Variants in RABGAP1L observed in about 807,000 individuals in gnomAD.
RABGAP1L encodes the protein RAB GTPase activating protein 1 like.
RABGAP1L carries 63 observed loss-of-function variants against 137.7 expected under a neutral mutation model. The ratio of observed to expected loss-of-function variants is 0.46; its 90% confidence interval spans 0.37 to 0.56. RABGAP1L has a LOEUF of 0.56. RABGAP1L is among the 20% of genes least tolerant of loss of function. RABGAP1L has a pLI of 0.00. For missense variants in RABGAP1L, 1,095 were observed against 1,244.0 expected, an observed-to-expected ratio of 0.88 and a Z score of 1.80; for synonymous variants, 431 against 433.7, an observed-to-expected ratio of 0.99 and a Z score of 0.08.
At chr1:174,486,923 G>A (rs1659731714) in intron 13 of RABGAP1L, among the ~76,000 whole-genome samples, 1 of 151,940 alleles carries the variant, frequency 6.6e-6, no homozygotes, top group South Asian at 2.1e-4. Flanking sequence ...TTAATTTCAT[G>A]TATTTATATA....
At chr1:174,664,983 C>T (rs1676675589) in intron 14 of RABGAP1L, among the ~76,000 whole-genome samples, 1 of 152,022 alleles carries the variant, frequency 6.6e-6, no homozygotes, top group South Asian at 2.1e-4. Context: ...GTGATCCGTT[C>T]GCCTCAGCTT....
At chr1:174,792,170 C>T (rs1687909428) in intron 18 of RABGAP1L, among the ~76,000 whole-genome samples, 1 of 152,192 alleles carries the variant, frequency 6.6e-6, no homozygotes, top group Admixed American at 6.5e-5. Context: ...TATCTACTGC[C>T]TCAGTCTTTT....
At chr1:174,702,860 CTT>C (rs1458566867) in intron 17 of RABGAP1L, among the ~76,000 whole-genome samples, 6 of 151,740 alleles carry the variant, frequency 4.0e-5, no homozygotes, top group Non-Finnish European at 8.8e-5. Context: ...TTTATTTACT[CTT>C]TTAAAGAAAT....
chr1:174,524,183 ATTG>A (rs757046562), intron 13 of RABGAP1L, among the ~76,000 whole-genome samples: 3 of 151,684 alleles, frequency 2.0e-5, no homozygotes, highest in Admixed American at 6.6e-5. Context: ...TGGTAGTTCT[ATTG>A]TTGTTGTTGT....
intron 14 of RABGAP1L, among the ~76,000 whole-genome samples, chr1:174,659,426 C>A (rs2148414813): frequency 6.6e-6 from 1 of 152,266 alleles, no homozygotes; most frequent in East Asian, 1.9e-4. Context: ...CTTCTTCCTC[C>A]AGACCTGTCA....
At chr1:174,608,309 C>T (rs1670938086) in intron 13 of RABGAP1L, among the ~76,000 whole-genome samples, 1 of 152,076 alleles carries the variant, frequency 6.6e-6, no homozygotes. Flanking sequence ...TGTTCAGCCC[C>T]TACTACATTT....
intron 15 of RABGAP1L, among the ~76,000 whole-genome samples, chr1:174,687,899 G>A (rs368062938): frequency 1.3e-5 from 2 of 152,132 alleles, no homozygotes; most frequent in Non-Finnish European, 2.9e-5. Flanking sequence ...GGATTTTTTC[G>A]TGTCTAAGTA....
intron 13 of RABGAP1L, among the ~76,000 whole-genome samples, chr1:174,612,747 C>G (rs1206800970): frequency 5.9e-5 from 9 of 152,214 alleles, no homozygotes; most frequent in Non-Finnish European, 4.4e-5. Context: ...TGTTATTGGT[C>G]TATTCAGAGA....
chr1:174,173,354 T>C (rs929684227), intron 1 of RABGAP1L, among the ~76,000 whole-genome samples: 3 of 152,066 alleles, frequency 2.0e-5, no homozygotes, highest in Non-Finnish European at 4.4e-5. Flanking sequence ...GGTCTCAAAC[T>C]CCCAACCTCA....
chr1:174,467,841 A>G (rs1222116583), intron 13 of RABGAP1L, among the ~76,000 whole-genome samples: 1 of 152,146 alleles, frequency 6.6e-6, no homozygotes, highest in Non-Finnish European at 1.5e-5. Context: ...TGTATATTAA[A>G]CTGAAACTAT....
chr1:174,703,173 A>G (rs534482217), intron 17 of RABGAP1L, among the ~76,000 whole-genome samples: 3 of 152,272 alleles, frequency 2.0e-5, no homozygotes, highest in African/African-American at 7.2e-5. Flanking sequence ...CTACGTGGAT[A>G]TATTGTGTAG....
intron 17 of RABGAP1L, among the ~76,000 whole-genome samples, chr1:174,716,823 C>T (rs1399712273): frequency 6.6e-6 from 1 of 152,082 alleles, no homozygotes; most frequent in African/African-American, 2.4e-5. Flanking sequence ...GCTCATTGAC[C>T]TATTGGATTT....
intron 11 of RABGAP1L, among the ~76,000 whole-genome samples, chr1:174,319,269 T>A (rs1294329598): frequency 6.6e-6 from 1 of 152,138 alleles, no homozygotes; most frequent in African/African-American, 2.4e-5. Context: ...TTTATTGGAT[T>A]AATTTTAAGT....
chr1:174,767,608 C>T (rs1227606533), intron 18 of RABGAP1L, among the ~76,000 whole-genome samples: 3 of 151,792 alleles, frequency 2.0e-5, no homozygotes, highest in African/African-American at 4.8e-5. Context: ...ACTGCAAGCT[C>T]CGCCTCCCAG....
intron 1 of RABGAP1L, among the ~76,000 whole-genome samples, chr1:174,179,891 A>G (rs1180539734): frequency 2.0e-5 from 3 of 152,234 alleles, no homozygotes; most frequent in African/African-American, 7.2e-5. Context: ...TTATGTATGC[A>G]TTTAATGTAG....
intron 14 of RABGAP1L, among the ~76,000 whole-genome samples, chr1:174,643,939 G>GTGTGTGTGTATGTA (rs1038932862): frequency 6.7e-6 from 1 of 150,070 alleles, no homozygotes; most frequent in Non-Finnish European, 1.5e-5. Context: ...GTGTGTGTGT[G>GTGTGTGTGTATGTA]TGTATGTATG....
chr1:174,324,163 A>G (rs1680246958), intron 11 of RABGAP1L, among the ~76,000 whole-genome samples: 1 of 152,146 alleles, frequency 6.6e-6, no homozygotes, highest in Non-Finnish European at 1.5e-5. Flanking sequence ...TTAGATCAAT[A>G]TTCATTTTTT....
intron 7 of RABGAP1L, among the ~76,000 whole-genome samples, chr1:174,269,828 T>C (rs1322181301): frequency 6.6e-6 from 1 of 152,196 alleles, no homozygotes; most frequent in Admixed American, 6.5e-5. Flanking sequence ...TACTGTAAAC[T>C]CCTTGAGAAA....
In RABGAP1L at chr1:174,993,586, G is replaced by C. The variant is rs571438182; in HGVS notation, c.*3585G>C. ...TTTAAAGGAGTGAGCCAGTCACCCA[G>C]GAGAATCACATGTGTAACTGATGTA... On this transcript the variant is annotated 3_prime_UTR_variant, in exon 26 of 26. Transcript: ENST00000681986. The C allele has an allele frequency of 6.6e-6, 1 of 152,316 alleles. No individual in the cohort carries two copies. The highest frequency in any genetic ancestry group is 1.5e-5 in the Non-Finnish European group (1 of 68,028). The allele number at this position is 152,316 out of a possible 1,614,324, so 9.4% of individuals were successfully genotyped here.
Sources: allele counts gnomAD v4.1 joint callset (sites outside exome capture counted in the v4.1 genomes callset), GRCh38; gene constraint gnomAD v4.1.1; transcripts MANE v1.5; gene names NCBI Gene and HGNC (gene_info 2026-07-23, HGNC 2026-07-21).